Variants in GRIP1 observed in about 807,000 individuals in gnomAD.
The protein encoded by GRIP1 is glutamate receptor-interacting protein 1.
GRIP1 carries 45 observed loss-of-function variants against 129.9 expected under a neutral mutation model. The observed-to-expected ratio is 0.35, with a 90% CI of 0.27 to 0.44. The LOEUF (loss-of-function observed/expected upper bound fraction) is 0.44. GRIP1 is among the 20% of genes least tolerant of loss of function. GRIP1 has a pLI of 1.00. For synonymous variants in GRIP1, 530 were observed against 520.8 expected, an observed-to-expected ratio of 1.02 and a Z score of -0.24; for missense variants, 1,196 against 1,396.8, an observed-to-expected ratio of 0.86 and a Z score of 2.29.
intron 13 of GRIP1, among the ~76,000 whole-genome samples, chr12:66,436,996 A>G (rs1001263549): frequency 1.2e-4 from 18 of 147,238 alleles, no homozygotes; most frequent in Non-Finnish European, 2.4e-4. Context: ...AAAAAAAAAA[A>G]GGAGAAAAGG....
At chr12:66,374,083 T>C (rs1243911026) in intron 22 of GRIP1, among the ~76,000 whole-genome samples, 1 of 152,212 alleles carries the variant, frequency 6.6e-6, no homozygotes, top group Admixed American at 6.5e-5. Flanking sequence ...TTATTTCAGA[T>C]AAATACCCTT....
At chr12:66,465,497 A>C in intron 7 of GRIP1, 75 bp from the exon 8 acceptor site, 2 of 1,266,266 alleles carry the variant, frequency 1.6e-6, no homozygotes, top group South Asian at 1.2e-5. Context: ...GAGATGAAGA[A>C]TATTCAGTTT....
intron 1 of GRIP1, among the ~76,000 whole-genome samples, chr12:67,039,084 G>T (rs2043140072): frequency 6.6e-6 from 1 of 150,738 alleles, no homozygotes; most frequent in Non-Finnish European, 1.5e-5. Context: ...ATTTTTAAAT[G>T]AAAAATACAG....
intron 1 of GRIP1, among the ~76,000 whole-genome samples, chr12:66,619,940 A>G (rs779758854): frequency 1.3e-5 from 2 of 152,324 alleles, no homozygotes; most frequent in Non-Finnish European, 2.9e-5. Flanking sequence ...CTGCCTCTTA[A>G]AAACCTCTAG....
intron 14 of GRIP1, among the ~76,000 whole-genome samples, chr12:66,428,883 G>A (rs566195160): frequency 2.6e-5 from 4 of 152,324 alleles, no homozygotes; most frequent in South Asian, 2.1e-4. Flanking sequence ...TCGCTGACTC[G>A]AAAGAGAGGT....
At chr12:66,752,974 G>A (rs1210770480) in intron 1 of GRIP1, among the ~76,000 whole-genome samples, 3 of 151,994 alleles carry the variant, frequency 2.0e-5, no homozygotes, top group East Asian at 1.9e-4. Context: ...TAGCTCAAAC[G>A]CTAGCGGAAA....
intron 1 of GRIP1, among the ~76,000 whole-genome samples, chr12:66,847,270 T>C (rs1056098094): frequency 4.6e-5 from 7 of 152,172 alleles, no homozygotes; most frequent in Admixed American, 4.6e-4. Context: ...TTTTCTTAAA[T>C]ACAACATTTT....
At chr12:66,451,394 T>TG (rs2058798093) in intron 11 of GRIP1, among the ~76,000 whole-genome samples, 1 of 54,058 alleles carries the variant, frequency 1.8e-5, no homozygotes, top group African/African-American at 6.1e-5. Context: ...TTTTTTTTTT[T>TG]TTTTTTTTTT....
At chr12:66,475,516 A>G (rs1441353566) in intron 7 of GRIP1, among the ~76,000 whole-genome samples, 1 of 152,232 alleles carries the variant, frequency 6.6e-6, no homozygotes, top group Non-Finnish European at 1.5e-5. Context: ...CCAAATCAAC[A>G]GAATATACAT....
intron 1 of GRIP1, among the ~76,000 whole-genome samples, chr12:66,722,061 G>A (rs1348239498): frequency 6.6e-6 from 1 of 152,150 alleles, no homozygotes; most frequent in African/African-American, 2.4e-5. Flanking sequence ...ATTGCAGTAA[G>A]GTTGTTTTGC....
chr12:66,589,218 C>T (rs2063760238), intron 2 of GRIP1, among the ~76,000 whole-genome samples: 1 of 146,014 alleles, frequency 6.8e-6, no homozygotes, highest in South Asian at 2.3e-4. Context: ...CTCTCTCTCT[C>T]TCTCTCTCTG....
chr12:66,423,057 A>C (rs1415201965), intron 14 of GRIP1, among the ~76,000 whole-genome samples: 1 of 152,238 alleles, frequency 6.6e-6, no homozygotes, highest in Non-Finnish European at 1.5e-5. Context: ...AGTTGCCAAC[A>C]CTTACAAATT....
chr12:66,580,063 C>G (rs2139599562), intron 2 of GRIP1, among the ~76,000 whole-genome samples: 1 of 149,190 alleles, frequency 6.7e-6, no homozygotes, highest in Admixed American at 6.7e-5. Flanking sequence ...GATCTCTTGG[C>G]AGAAACTCTA....
At position 66,445,470 on chromosome 12, in the gene GRIP1, C is replaced by G; in HGVS notation, c.1393G>C (p.Val465Leu). The change falls in exon 12 of 25, where the codon GTT becomes CTT. Residue 465 changes from valine to leucine, a missense_variant. Coordinates refer to ENST00000359742, the MANE Select transcript of GRIP1 (RefSeq NM_001366722.1). Reference protein sequence around the residue: ...ASSTVGLAGQVVHTETTEVVL... With the variant: ...ASSTVGLAGQLVHTETTEVVL... ...ACCTCTGTGGTTTCTGTGTGAACAA[C>G]CTGCCCAGCCAATCCTACTGTGCTG... The G allele has an allele frequency of 6.2e-7, 1 of 1,614,032 alleles. No individual in the cohort carries two copies. Among genetic ancestry groups the G allele is most frequent in the Non-Finnish European group, 8.5e-7 (1 of 1,179,962 alleles).
At chr12:66,369,593 T>G (rs2055365652) in intron 23 of GRIP1, among the ~76,000 whole-genome samples, 1 of 152,152 alleles carries the variant, frequency 6.6e-6, no homozygotes, top group African/African-American at 2.4e-5. Flanking sequence ...GGGCTGAGAA[T>G]GTAAAGTACA....
chr12:67,064,069 C>A (rs2135898453), intron 1 of GRIP1, among the ~76,000 whole-genome samples: 1 of 152,274 alleles, frequency 6.6e-6, no homozygotes, highest in East Asian at 1.9e-4. Context: ...AAAACCCATT[C>A]ACTTAAATGA....
intron 13 of GRIP1, among the ~76,000 whole-genome samples, chr12:66,442,314 C>T (rs1203157551): frequency 6.6e-6 from 1 of 152,108 alleles, no homozygotes; most frequent in Non-Finnish European, 1.5e-5. Flanking sequence ...GCTAATTGTT[C>T]TGGCTTAGGG....
chr12:66,980,150 A>G (rs1010755018), intron 1 of GRIP1, among the ~76,000 whole-genome samples: 4 of 152,172 alleles, frequency 2.6e-5, no homozygotes, highest in African/African-American at 4.8e-5. Context: ...TCAGTTACCT[A>G]TGAGGACATG....
chr12:66,377,638 C>CTTTTTTTTTTTTTTTTTTTT (rs3045282), intron 20 of GRIP1, among the ~76,000 whole-genome samples: 1 of 124,612 alleles, frequency 8.0e-6, no homozygotes, highest in African/African-American at 3.1e-5. Context: ...CGCACCCGGC[C>CTTTTTTTTTTTTTTTTTTTT]TTTTTTTTTT....
Sources: allele counts gnomAD v4.1 joint callset (sites outside exome capture counted in the v4.1 genomes callset), GRCh38; gene constraint gnomAD v4.1.1; transcripts MANE v1.5; gene names NCBI Gene and HGNC (gene_info 2026-07-23, HGNC 2026-07-21).